The following LRRTM4 variants were observed in gnomAD, a reference collection of about 807,000 sequenced individuals.
The protein encoded by LRRTM4 is leucine-rich repeat transmembrane neuronal protein 4.
LRRTM4 carries 25 observed loss-of-function variants against 47.6 expected under a neutral mutation model. The observed-to-expected ratio is 0.53, with a 90% CI of 0.38 to 0.73. The LOEUF (loss-of-function observed/expected upper bound fraction) is 0.73. LRRTM4 is among the 30% of genes least tolerant of loss of function. The pLI is 0.00. For missense variants in LRRTM4, 638 were observed against 713.4 expected, an observed-to-expected ratio of 0.89 and a Z score of 1.20; for synonymous variants, 311 against 269.5, an observed-to-expected ratio of 1.15 and a Z score of -1.51.
intron 3 of LRRTM4, among the ~76,000 whole-genome samples, chr2:77,156,119 T>G (rs1672553474): frequency 6.6e-6 from 1 of 152,064 alleles, no homozygotes; most frequent in Non-Finnish European, 1.5e-5. Context: ...GGTATATTTA[T>G]GTGAAAACAG....
intron 3 of LRRTM4, among the ~76,000 whole-genome samples, chr2:77,032,125 C>A (rs373226689): frequency 1.3e-5 from 2 of 152,154 alleles, no homozygotes; most frequent in Admixed American, 1.3e-4. Context: ...CTACTTCTAT[C>A]CTTGCGCTTT....
chr2:77,456,504 T>C (rs1269391090), intron 3 of LRRTM4, among the ~76,000 whole-genome samples: 6 of 152,146 alleles, frequency 3.9e-5, no homozygotes, highest in African/African-American at 1.4e-4. Flanking sequence ...ACTTCACTCT[T>C]GAGTTTATCC....
chr2:77,459,759 CAAAAAA>C (rs59472827), intron 3 of LRRTM4, among the ~76,000 whole-genome samples: 2 of 126,332 alleles, frequency 1.6e-5, no homozygotes. Flanking sequence ...CTGGTTTTAG[CAAAAAA>C]AAAAAAAAAA....
chr2:76,864,123 A>G (rs1356667263), intron 3 of LRRTM4, among the ~76,000 whole-genome samples: 5 of 152,232 alleles, frequency 3.3e-5, no homozygotes, highest in Non-Finnish European at 1.5e-5. Context: ...GTCTTGGGGA[A>G]AATATGAAAG....
chr2:77,216,690 CAT>C (rs1674451497), intron 3 of LRRTM4, among the ~76,000 whole-genome samples: 1 of 152,082 alleles, frequency 6.6e-6, no homozygotes, highest in Non-Finnish European at 1.5e-5. Context: ...GAAAGGGTAA[CAT>C]GTGACATTAA....
intron 3 of LRRTM4, among the ~76,000 whole-genome samples, chr2:76,966,145 A>G (rs1385427100): frequency 6.6e-6 from 1 of 151,636 alleles, no homozygotes; most frequent in African/African-American, 2.4e-5. Flanking sequence ...AACAGGTTTT[A>G]TAGTAAATGG....
chr2:77,090,635 C>T (rs367641652), intron 3 of LRRTM4, among the ~76,000 whole-genome samples: 2 of 152,166 alleles, frequency 1.3e-5, no homozygotes, highest in Non-Finnish European at 2.9e-5. Flanking sequence ...AGAACCTCCT[C>T]CCCCAGGAGC....
At chr2:76,876,629 T>TTTATGCAA (rs1019480950) in intron 3 of LRRTM4, among the ~76,000 whole-genome samples, 3 of 152,060 alleles carry the variant, frequency 2.0e-5, no homozygotes, top group Non-Finnish European at 4.4e-5. Context: ...AGCATAATTC[T>TTTATGCAA]TTATGCTCTA....
chr2:77,058,092 G>A (rs940229776), intron 3 of LRRTM4, among the ~76,000 whole-genome samples: 1 of 152,070 alleles, frequency 6.6e-6, no homozygotes, highest in African/African-American at 2.4e-5. Context: ...ACATTTCATG[G>A]TAATGTCTAT....
chr2:76,916,403 A>AAAAAAAAAAAAAAAAAAAG (rs1674251119), intron 3 of LRRTM4, among the ~76,000 whole-genome samples: 1 of 138,518 alleles, frequency 7.2e-6, no homozygotes, highest in African/African-American at 2.7e-5. Flanking sequence ...AAAAAAAAAA[A>AAAAAAAAAAAAAAAAAAAG]AAAAGAAAAG....
intron 3 of LRRTM4, among the ~76,000 whole-genome samples, chr2:77,220,835 A>C (rs1338666891): frequency 3.9e-5 from 6 of 152,298 alleles, no homozygotes; most frequent in South Asian, 2.1e-4. Context: ...CCAACATTCA[A>C]ATTCAGGAAA....
chr2:77,318,595 A>G (rs1203429470), intron 3 of LRRTM4, among the ~76,000 whole-genome samples: 3 of 152,110 alleles, frequency 2.0e-5, no homozygotes, highest in African/African-American at 4.8e-5. Context: ...ACTTAATACC[A>G]TTGTGGCTTG....
chr2:76,870,609 T>TTGC (rs1411576453), intron 3 of LRRTM4, among the ~76,000 whole-genome samples: 1 of 152,192 alleles, frequency 6.6e-6, no homozygotes, highest in Non-Finnish European at 1.5e-5. Context: ...AGCAGGCCTA[T>TTGC]ACCTTTCCTA....
intron 3 of LRRTM4, among the ~76,000 whole-genome samples, chr2:76,837,841 A>C (rs1671560049): frequency 6.6e-6 from 1 of 152,074 alleles, no homozygotes; most frequent in African/African-American, 2.4e-5. Flanking sequence ...CAAGGACAAA[A>C]AACCAAACAC....
intron 3 of LRRTM4, among the ~76,000 whole-genome samples, chr2:77,034,950 T>C (rs1206025602): frequency 6.6e-6 from 1 of 151,888 alleles, no homozygotes; most frequent in East Asian, 1.9e-4. Flanking sequence ...AGGCAAGATA[T>C]TTCACATTAT....
At chr2:77,115,121 T>TC (rs1183988885) in intron 3 of LRRTM4, among the ~76,000 whole-genome samples, 3 of 152,080 alleles carry the variant, frequency 2.0e-5, no homozygotes, top group Non-Finnish European at 2.9e-5. Flanking sequence ...ATGCATTCCT[T>TC]CCCCAGGGTC....
chr2:77,356,842 G>T (rs1270667709), intron 3 of LRRTM4, among the ~76,000 whole-genome samples: 1 of 152,098 alleles, frequency 6.6e-6, no homozygotes, highest in Non-Finnish European at 1.5e-5. Context: ...GCACACAAGG[G>T]TGCGTGCTAT....
intron 3 of LRRTM4, among the ~76,000 whole-genome samples, chr2:76,794,612 A>AAGCAATAATTTTAT (rs1428377226): frequency 6.6e-6 from 1 of 152,176 alleles, no homozygotes; most frequent in East Asian, 1.9e-4. Flanking sequence ...CATTTTCAAA[A>AAGCAATAATTTTAT]AGCAATAATT....
At chr2:77,171,066 CATAT>C (rs1423001313) in intron 3 of LRRTM4, among the ~76,000 whole-genome samples, 1 of 151,782 alleles carries the variant, frequency 6.6e-6, no homozygotes, top group Non-Finnish European at 1.5e-5. Context: ...CACACACATA[CATAT>C]ATATGTAAAC....
Sources: allele counts gnomAD v4.1 joint callset (sites outside exome capture counted in the v4.1 genomes callset), GRCh38; gene constraint gnomAD v4.1.1; transcripts MANE v1.5; gene names NCBI Gene and HGNC (gene_info 2026-07-23, HGNC 2026-07-21).